The following TNFAIP8 variants were observed in gnomAD, a reference collection of about 807,000 sequenced individuals.
The protein encoded by TNFAIP8 is TNF alpha induced protein 8, also known as tumor necrosis factor alpha-induced protein 8.
In TNFAIP8, 7 loss-of-function variants were observed where a neutral mutation model predicts 13.3. The ratio of observed to expected loss-of-function variants is 0.52; its 90% CI spans 0.30 to 0.99. The LOEUF is 0.99. Among genes scored for constraint, TNFAIP8 ranks in the 50% least tolerant of loss-of-function variants. The probability of loss-of-function intolerance (pLI) is 0.07; values close to 1 mark genes in which losing one functional copy is unlikely to be tolerated. For missense variants in TNFAIP8, 258 were observed against 236.9 expected (o/e 1.09, Z -0.58); for synonymous variants, 94 against 87.6 (o/e 1.07, Z -0.41).
chr5:119,297,637 C>G (rs1749219196), intron 1 of TNFAIP8, among the ~76,000 whole-genome samples: 1 of 152,156 alleles, frequency 6.6e-6, no homozygotes, highest in African/African-American at 2.4e-5. Context: ...TGGTGCAGAG[C>G]TGAGTTCAAT....
At chr5:119,365,855 A>G (rs67328001) in intron 1 of TNFAIP8, among the ~76,000 whole-genome samples, 56,576 of 152,030 alleles carry the variant, frequency 0.37, 12,506 homozygotes, top group African/African-American at 0.62. Flanking sequence ...AAATCTCTCA[A>G]GAGAGTTTTC....
intron 1 of TNFAIP8, among the ~76,000 whole-genome samples, chr5:119,280,312 GAGTTTT>G (rs1283844008): frequency 6.7e-6 from 1 of 148,688 alleles, no homozygotes; most frequent in Non-Finnish European, 1.5e-5. Flanking sequence ...CTGACCCACT[GAGTTTT>G]AGTCTTACCC....
intron 1 of TNFAIP8, among the ~76,000 whole-genome samples, chr5:119,289,567 G>GGGATTC (rs1302089213): frequency 1.3e-5 from 2 of 152,230 alleles, no homozygotes; most frequent in Non-Finnish European, 2.9e-5. Context: ...CTGAGGCAGG[G>GGGATTC]TGCCTGGCAC....
chr5:119,356,209 A>G, intron 1 of TNFAIP8, 88 bp downstream of exon 1: 1 of 1,249,678 alleles, frequency 8.0e-7, no homozygotes, highest in South Asian at 1.4e-5. Flanking sequence ...GGAGTTTTAA[A>G]GTGAGCGGTG....
upstream of TNFAIP8, among the ~76,000 whole-genome samples, chr5:119,353,150 A>C (rs1244807012): frequency 6.6e-6 from 1 of 152,260 alleles, no homozygotes; most frequent in Non-Finnish European, 1.5e-5. Flanking sequence ...ACTTCCATAC[A>C]TGTTGCCATG....
chr5:119,280,560 C>CAAA (rs2150804074), intron 1 of TNFAIP8, among the ~76,000 whole-genome samples: 1 of 152,204 alleles, frequency 6.6e-6, no homozygotes, highest in East Asian at 1.9e-4. Flanking sequence ...AGATTCAGGT[C>CAAA]TCATCCCTTT....
At chr5:119,321,196 A>G (rs1475717797) in intron 1 of TNFAIP8, among the ~76,000 whole-genome samples, 1 of 152,164 alleles carries the variant, frequency 6.6e-6, no homozygotes, top group African/African-American at 2.4e-5. Context: ...CAGCCTGGGC[A>G]ACACCGTGAG....
chr5:119,286,284 T>C (rs898277015), intron 1 of TNFAIP8, among the ~76,000 whole-genome samples: 14 of 152,124 alleles, frequency 9.2e-5, no homozygotes, highest in African/African-American at 3.4e-4. Context: ...CTCTGGTTAT[T>C]GATTCCTCTA....
In TNFAIP8 at chr5:119,385,473, C is replaced by T. The variant is rs1353168548; in HGVS notation, c.32-7343C>T. 2.6e-5 allele frequency among the ~76,000 whole-genome samples: 4 copies of T among 152,148 alleles called. No individual in the cohort carries two copies. The East Asian group carries it at 5.8e-4, about 22-fold the overall frequency. ...TTCATGGATGTTGACTAGGCTTCTC[C>T]TCTTGTCTTGTAGTAGGCTCTCATT... On this transcript the variant is annotated intron_variant, in intron 1 of 1. Coordinates refer to ENST00000504771, the MANE Select transcript of TNFAIP8 (RefSeq NM_014350.4).
At chr5:119,302,561 C>T (rs1332877557) in intron 1 of TNFAIP8, among the ~76,000 whole-genome samples, 1 of 152,086 alleles carries the variant, frequency 6.6e-6, no homozygotes, top group Non-Finnish European at 1.5e-5. Flanking sequence ...AATTATTCAC[C>T]TTTATCATAT....
intron 1 of TNFAIP8, among the ~76,000 whole-genome samples, chr5:119,329,498 T>C (rs1194211073): frequency 5.3e-5 from 8 of 152,204 alleles, no homozygotes; most frequent in Admixed American, 2.0e-4. Context: ...TTTGCCTTTC[T>C]GTTAAATAGA....
intron 1 of TNFAIP8, among the ~76,000 whole-genome samples, chr5:119,375,722 A>G (rs974740666): frequency 4.6e-5 from 7 of 152,192 alleles, no homozygotes; most frequent in African/African-American, 7.2e-5. Context: ...GGGAGGCTCT[A>G]TTAAATTTTA....
At chr5:119,369,674 T>C (rs1392167984) in intron 1 of TNFAIP8, among the ~76,000 whole-genome samples, 3 of 152,240 alleles carry the variant, frequency 2.0e-5, no homozygotes, top group African/African-American at 7.2e-5. Context: ...TTTTACTCAA[T>C]AGGTAGTTGT....
chr5:119,380,802 C>CT, intron 1 of TNFAIP8, among the ~76,000 whole-genome samples: 1 of 152,188 alleles, frequency 6.6e-6, no homozygotes, highest in Admixed American at 6.5e-5. Flanking sequence ...AATGGGCTAA[C>CT]TTTTCTATTC....
At chr5:119,362,012 T>C (rs1168078545) in intron 1 of TNFAIP8, among the ~76,000 whole-genome samples, 1 of 151,668 alleles carries the variant, frequency 6.6e-6, no homozygotes, top group African/African-American at 2.4e-5. Context: ...GAGTTTTTGG[T>C]TCAGGGCATC....
chr5:119,272,492 TATTC>T (rs1290250584), intron 1 of TNFAIP8, among the ~76,000 whole-genome samples: 1 of 152,234 alleles, frequency 6.6e-6, no homozygotes, highest in East Asian at 1.9e-4. Flanking sequence ...AGTAGAATGA[TATTC>T]AAAATATTTG....
intron 1 of TNFAIP8, among the ~76,000 whole-genome samples, chr5:119,293,587 T>C (rs1184822926): frequency 6.6e-6 from 1 of 152,214 alleles, no homozygotes; most frequent in Non-Finnish European, 1.5e-5. Context: ...CACTATTTAT[T>C]CCGGATGAGG....
chr5:119,339,457 GTTTTTTTT>G (rs397884992), intron 1 of TNFAIP8, among the ~76,000 whole-genome samples: 1 of 116,214 alleles, frequency 8.6e-6, no homozygotes, highest in African/African-American at 3.2e-5. Context: ...CTCTTGTGGT[GTTTTTTTT>G]TTTTTTTTTT....
chr5:119,301,446 C>T (rs779857350), intron 1 of TNFAIP8, among the ~76,000 whole-genome samples: 6 of 152,222 alleles, frequency 3.9e-5, no homozygotes, highest in African/African-American at 9.6e-5. Flanking sequence ...CTTCTCCAGT[C>T]CTCTCTCAGC....
Sources: gnomAD v4.1 joint callset for allele counts (sites outside exome capture counted in the v4.1 genomes callset) on GRCh38, gnomAD v4.1.1 for gene constraint, MANE v1.5 for transcripts, NCBI Gene and HGNC (gene_info 2026-07-23, HGNC 2026-07-21) for gene names.